Variants in RANGAP1 observed in about 807,000 individuals in gnomAD.
RANGAP1 encodes Ran GTPase activating protein 1, also known as ran GTPase-activating protein 1.
A neutral mutation model predicts 63.5 loss-of-function variants in RANGAP1; 38 were observed. The ratio of observed to expected loss-of-function variants is 0.60; its 90% CI spans 0.46 to 0.78. The LOEUF (loss-of-function observed/expected upper bound fraction) is 0.78, where lower values mean the gene tolerates loss of function less well. RANGAP1 is among the 30% of genes least tolerant of loss of function. RANGAP1 has a pLI of 0.00. For synonymous variants in RANGAP1, 329 were observed against 310.5 expected (o/e 1.06, Z -0.63); for missense variants, 630 against 740.3 (o/e 0.85, Z 1.73).
At chr22:41,263,483 C>T (rs2034289291) in intron 5 of RANGAP1, among the ~76,000 whole-genome samples, 1 of 152,194 alleles carries the variant, frequency 6.6e-6, no homozygotes, top group African/African-American at 2.4e-5. Flanking sequence ...CTCCCGGGTT[C>T]GAGCAATTCT....
At chr22:41,248,589 G>A (rs2033213535) in intron 15 of RANGAP1, among the ~76,000 whole-genome samples, 3 of 152,242 alleles carry the variant, frequency 2.0e-5, no homozygotes, top group Non-Finnish European at 4.4e-5. Flanking sequence ...CTGGAAGTGT[G>A]GCTGGTCAGG....
chr22:41,261,070 A>G (rs558193845), intron 6 of RANGAP1, among the ~76,000 whole-genome samples: 3 of 152,224 alleles, frequency 2.0e-5, no homozygotes, highest in South Asian at 2.1e-4. Context: ...GAGGTCTGGT[A>G]TGTTCCTTCT....
chr22:41,299,378 C>T, the RANGAP1 span, among the ~76,000 whole-genome samples: 7 of 151,924 alleles, frequency 4.6e-5, no homozygotes, highest in African/African-American at 7.3e-5. Context: ...GTGATCCACC[C>T]GCCTCGGCCT....
At chr22:41,256,163 T>C in intron 9 of RANGAP1, 28 bp downstream of exon 9, 1 of 1,613,746 alleles carries the variant, frequency 6.2e-7, no homozygotes, top group Non-Finnish European at 8.5e-7. Context: ...CTAGCAGACC[T>C]GTGCAGAGGC....
chr22:41,281,559 C>T, intron 1 of RANGAP1: 1 of 988,902 alleles, frequency 1.0e-6, no homozygotes, highest in Non-Finnish European at 1.2e-6. Flanking sequence ...AATGCCCCAC[C>T]ACCCACGCTG....
Position 41,252,813 on chromosome 22 carries a change from C to A in RANGAP1, c.1380+59G>T, listed in dbSNP as rs562827874. The A allele has an allele frequency of 7.5e-6, 11 of 1,465,028 alleles. No homozygotes were observed. In the Admixed American group the frequency reaches 2.6e-4, roughly 34 times the overall value. 90.8% of individuals were successfully genotyped at this position (1,465,028 alleles called of 1,614,324 possible). The stretch of plus-strand genomic sequence containing the variant: ...GGTCTCTGAGCTGTTCGTCCCTTTT[C>A]TCTAACAGCTCCAGAAGCCACAGCA... On this transcript the variant is annotated intron_variant, in intron 12 of 15. Coordinates refer to ENST00000356244, the MANE Select transcript of RANGAP1 (RefSeq NM_002883.4).
intron 3 of RANGAP1, among the ~76,000 whole-genome samples, chr22:41,269,245 T>C (rs1262686670): frequency 1.3e-5 from 2 of 152,102 alleles, no homozygotes; most frequent in East Asian, 3.8e-4. Flanking sequence ...ACTCCTGGTA[T>C]GATTCAAAGA....
At chr22:41,261,694 A>AG in intron 5 of RANGAP1, 114 bp from the exon 6 acceptor site, 2 of 1,314,360 alleles carry the variant, frequency 1.5e-6, no homozygotes, top group Middle Eastern at 2.4e-4. Context: ...GGTGCAGGTC[A>AG]GGGGACGCAG....
At chr22:41,264,954 G>C in intron 4 of RANGAP1, 111 bp from the exon 5 acceptor site, 1 of 1,123,866 alleles carries the variant, frequency 8.9e-7, no homozygotes, top group Non-Finnish European at 1.3e-6. Flanking sequence ...GGCTGGTGCA[G>C]AACCAACACA....
At position 41,264,801 on chromosome 22, in the gene RANGAP1, C is replaced by A; in HGVS notation, c.343G>T (p.Val115Leu). The A allele has an allele frequency of 6.2e-7, 1 of 1,613,486 alleles. No homozygotes were observed. Among genetic ancestry groups the A allele is most frequent in the Non-Finnish European group, 8.5e-7 (1 of 1,179,398 alleles). The change falls in exon 5 of 16, where the codon GTG (valine) becomes TTG (leucine). Residue 115 changes from valine to leucine, a missense_variant. Coordinates refer to ENST00000356244, the MANE Select transcript of RANGAP1 (RefSeq NM_002883.4). The stretch of plus-strand genomic sequence containing the variant: ...GCGTTGTCGCTTAAGTCCAGCTCCA[C>A]CAGCTGAGCCCCAGCTGTGATGAGT... ...EGLITAGAQL[V>L]ELDLSDNAFG...
In RANGAP1 at chr22:41,256,200, C is replaced by T; in HGVS notation, c.979G>A (p.Asp327Asn). 6.2e-7 allele frequency: 1 copy of T among 1,614,146 alleles called. No homozygotes were observed. Among genetic ancestry groups the T allele is most frequent in the Non-Finnish European group, 8.5e-7 (1 of 1,180,018 alleles). Residue 327 changes from aspartate to asparagine, a missense_variant, in exon 9 of 16, where the codon GAC becomes AAC. This residue lies in a region of RANGAP1 where 428 missense variants were observed against 465.5 expected (regional missense o/e 0.92). Transcript: ENST00000356244. Reference protein sequence around the residue: ...MADKAELEKLDLNGNTLGEEG... With the variant: ...MADKAELEKLNLNGNTLGEEG... ...TCCCCCATCCGACTACCATTCAGGT[C>T]CAGCTTCTCCAGCTCAGCTTTGTCT...
In RANGAP1 at chr22:41,253,001, A is replaced by AG; in HGVS notation, c.1261-11dup. On this transcript the variant is annotated splice_polypyrimidine_tract_variant and intron_variant, in intron 11 of 15. Coordinates refer to ENST00000356244, the MANE Select transcript of RANGAP1 (RefSeq NM_002883.4). ...GCACGGGAGCTGGCTCCTGGGAAGT[A>AG]GGGGCACAGAGGCTCTGGAGAATTC... The AG allele has an allele frequency of 6.9e-7, 1 of 1,456,332 alleles. No homozygotes were observed. Among genetic ancestry groups the AG allele is most frequent in the South Asian group, 1.4e-5 (1 of 69,352 alleles). 90.2% of individuals were successfully genotyped at this position (1,456,332 alleles called of 1,614,324 possible).
At chr22:41,285,456 G>C in intron 1 of RANGAP1, 2 of 967,892 alleles carry the variant, frequency 2.1e-6, no homozygotes, top group South Asian at 4.8e-5. Flanking sequence ...AGGGCTAATA[G>C]AGAAACATCC....
At chr22:41,263,550 A>T (rs1353383792) in intron 5 of RANGAP1, among the ~76,000 whole-genome samples, 1 of 152,058 alleles carries the variant, frequency 6.6e-6, no homozygotes, top group Non-Finnish European at 1.5e-5. Context: ...ACACCCAGCT[A>T]ATTTTTGTAT....
chr22:41,288,735 T>A (rs113618701), upstream of RANGAP1, among the ~76,000 whole-genome samples: 251 of 151,974 alleles, frequency 1.7e-3, no homozygotes, highest in African/African-American at 6.0e-3. Context: ...ACAACAGAAA[T>A]TCAGTGGCCT....
At chr22:41,261,730 C>T in intron 5 of RANGAP1, 150 bp from the exon 6 acceptor site, 1 of 858,434 alleles carries the variant, frequency 1.2e-6, no homozygotes, top group South Asian at 1.7e-5. Context: ...AACAGTCACA[C>T]CTTAAATATG....
chr22:41,261,250 A>C (rs191084208), intron 6 of RANGAP1, among the ~76,000 whole-genome samples, 196 bp downstream of exon 6: 1 of 152,280 alleles, frequency 6.6e-6, no homozygotes, highest in East Asian at 1.9e-4. Flanking sequence ...CTTTCCGGAA[A>C]GTCACACACC....
chr22:41,301,044 G>C, the RANGAP1 span, among the ~76,000 whole-genome samples: 1 of 152,134 alleles, frequency 6.6e-6, no homozygotes, highest in South Asian at 2.1e-4. Flanking sequence ...CCATCATGAT[G>C]CCAATAAAGT....
At chr22:41,249,243 C>T in intron 15 of RANGAP1, 87 bp downstream of exon 15, 1 of 1,481,316 alleles carries the variant, frequency 6.8e-7, no homozygotes, top group East Asian at 2.3e-5. Context: ...TGGGCTGGGG[C>T]TGGGCCTCCC....
Sources: gnomAD v4.1 joint callset for allele counts (sites outside exome capture counted in the v4.1 genomes callset) on GRCh38, gnomAD v4.1.1 for gene constraint, gnomAD v4.1.1 regional missense constraint, MANE v1.5 for transcripts, NCBI Gene and HGNC (gene_info 2026-07-23, HGNC 2026-07-21) for gene names.